The following LTBP2 variants were observed in gnomAD, a reference collection of about 807,000 sequenced individuals.
LTBP2 encodes latent-transforming growth factor beta-binding protein 2.
In LTBP2, 103 loss-of-function variants were observed where a neutral mutation model predicts 210.6. That is an observed-to-expected ratio of 0.49 (90% CI 0.42 to 0.58). LTBP2 has a LOEUF of 0.58. LTBP2 is among the 20% of genes least tolerant of loss of function. The pLI, the probability that LTBP2 is intolerant of heterozygous loss-of-function variation, is 0.00. For missense variants in LTBP2, 2,313 were observed against 2,494.5 expected (o/e 0.93, Z 1.55); for synonymous variants, 1,007 against 1,015.0 (o/e 0.99, Z 0.15).
chr14:74,600,071 G>A (rs572948584), intron 2 of LTBP2, among the ~76,000 whole-genome samples: 5 of 152,180 alleles, frequency 3.3e-5, no homozygotes, highest in African/African-American at 7.2e-5. Flanking sequence ...CCACAGGGGT[G>A]GGGGAGAGCC....
chr14:74,607,945 G>T lies in LTBP2; in HGVS notation c.494+3506C>A, dbSNP rs184787346. Among the ~76,000 whole-genome samples the T allele has an allele frequency of 2.8e-3, 405 of 146,010 alleles. 2 individuals are homozygous for T. The highest frequency in any genetic ancestry group is 8.2e-3 in the African/African-American group (321 of 39,298). ...TTTTTTTTTTTTGAGACGGAGTCTC[G>T]CTCTGTCGCCCAGGCCGGACTGCGG... On this transcript the variant is annotated intron_variant, in intron 1 of 35. Coordinates refer to ENST00000261978, the MANE Select transcript of LTBP2 (RefSeq NM_000428.3).
At chr14:74,569,375 A>C (rs890490552) in intron 3 of LTBP2, among the ~76,000 whole-genome samples, 3 of 152,134 alleles carry the variant, frequency 2.0e-5, no homozygotes, top group Non-Finnish European at 4.4e-5. Context: ...TACCACTTGG[A>C]ATGTGTTATG....
chr14:74,528,426 G>A, intron 12 of LTBP2, 57 bp downstream of exon 12: 23 of 1,584,972 alleles, frequency 1.5e-5, no homozygotes, highest in South Asian at 2.2e-5. Context: ...CTTCTCTGAG[G>A]TGCTGGAAAC....
chr14:74,563,415 C>G (rs1393515945), intron 3 of LTBP2, among the ~76,000 whole-genome samples: 1 of 152,144 alleles, frequency 6.6e-6, no homozygotes, highest in Admixed American at 6.5e-5. Context: ...ACTTAAGTGT[C>G]CTTCAGTAGG....
Position 74,510,184 on chromosome 14 carries a change from A to G in LTBP2, c.3058T>C (p.Cys1020Arg). The G allele has an allele frequency of 6.2e-7, 1 of 1,614,002 alleles. No homozygotes were observed. Among genetic ancestry groups the G allele is most frequent in the Non-Finnish European group, 8.5e-7 (1 of 1,180,024 alleles). Reference protein sequence around the residue: ...DVNECLTPGVCAHGKCTNLEG... With the variant: ...DVNECLTPGVRAHGKCTNLEG... ...AGGTTGGTGCACTTTCCATGGGCAC[A>G]GACCCCGGGAGTCAGACACTCATTC... The change falls in exon 20 of 36, where the codon TGT (cysteine) becomes CGT (arginine). Residue 1020 changes from cysteine (C) to arginine (R), a missense_variant. Transcript: ENST00000261978.
chr14:74,502,630 C>T (rs772674876), intron 34 of LTBP2, 23 bp downstream of exon 34: 1 of 1,614,142 alleles, frequency 6.2e-7, no homozygotes, highest in East Asian at 2.2e-5. Context: ...CCACCTCTTC[C>T]CCAGTTTTGC....
chr14:74,506,768 G>T lies in LTBP2; in HGVS notation c.3963C>A (p.Asn1321Lys). Residue 1321 changes from asparagine (N) to lysine (K), a missense_variant, in exon 27 of 36, where the codon AAC becomes AAA. Transcript: ENST00000261978. The part of the protein sequence containing the change: ...TMCGSHGFCD[N>K]TDGSFRCLCD... ...AGAGGCAGCGGAAGGAGCCATCAGTGTTGTCACAGAAGCCGTGGCTGCCAC... is the reference window on the plus strand; with the variant it reads ...AGAGGCAGCGGAAGGAGCCATCAGTTTTGTCACAGAAGCCGTGGCTGCCAC... 1.2e-6 allele frequency: 2 copies of T among 1,614,076 alleles called. No homozygotes were observed. The highest frequency in any genetic ancestry group is 1.7e-6 in the Non-Finnish European group (2 of 1,180,038).
intron 1 of LTBP2, among the ~76,000 whole-genome samples, chr14:74,606,178 A>G (rs1339734405): frequency 6.6e-6 from 1 of 152,222 alleles, no homozygotes; most frequent in East Asian, 1.9e-4. Flanking sequence ...GCATCACTGT[A>G]GGGAACACAT....
intron 18 of LTBP2, among the ~76,000 whole-genome samples, chr14:74,513,896 C>G (rs1236779278): frequency 6.6e-6 from 1 of 152,220 alleles, no homozygotes; most frequent in Non-Finnish European, 1.5e-5. Flanking sequence ...TCTTGGCATG[C>G]CACTGCTGGC....
At chr14:74,600,997 C>T (rs1178904783) in intron 2 of LTBP2, among the ~76,000 whole-genome samples, 2 of 152,212 alleles carry the variant, frequency 1.3e-5, no homozygotes, top group Non-Finnish European at 2.9e-5. Context: ...GGCAGATCTT[C>T]CTATGACTGA....
intron 3 of LTBP2, among the ~76,000 whole-genome samples, chr14:74,564,373 A>ATT (rs1298633344): frequency 2.0e-4 from 15 of 74,102 alleles, no homozygotes; most frequent in Admixed American, 4.9e-4. Flanking sequence ...ATATTTATAT[A>ATT]TATATATTTA....
intron 3 of LTBP2, among the ~76,000 whole-genome samples, chr14:74,558,288 G>A (rs1270030531): frequency 2.6e-5 from 4 of 152,210 alleles, no homozygotes. Context: ...CCAGCTACTG[G>A]GGAGGCTGAG....
chr14:74,608,322 CAG>C (rs1377283307), intron 1 of LTBP2, among the ~76,000 whole-genome samples: 2 of 151,958 alleles, frequency 1.3e-5, no homozygotes. Context: ...GTTATTTTAA[CAG>C]AATATAAAGT....
At chr14:74,564,063 A>ATATATATATT (rs2087835141) in intron 3 of LTBP2, among the ~76,000 whole-genome samples, 3 of 24,570 alleles carry the variant, frequency 1.2e-4, no homozygotes, top group Admixed American at 7.1e-4. Flanking sequence ...ATATATATTT[A>ATATATATATT]TATATATATA....
Position 74,516,772 on chromosome 14 carries a change from A to T in LTBP2, c.2908+50T>A, listed in dbSNP as rs955176533. ...GGTGGTGGGCAGTGCGTAGGGAGGG[A>T]CAGGTGGGTGGTGGGGTGGCAGGGC... On this transcript the variant is annotated intron_variant, in intron 18 of 35. Coordinates refer to ENST00000261978, the MANE Select transcript of LTBP2 (RefSeq NM_000428.3). 2.0e-6 allele frequency: 3 copies of T among 1,479,492 alleles called. No homozygotes were observed. In the African/African-American group the frequency reaches 4.2e-5, roughly 21 times the overall value. The allele number at this position is 1,479,492 out of a possible 1,614,324, so 91.6% of individuals were successfully genotyped here.
chr14:74,550,502 A>G (rs892951261), intron 7 of LTBP2, among the ~76,000 whole-genome samples: 1 of 152,182 alleles, frequency 6.6e-6, no homozygotes, highest in Non-Finnish European at 1.5e-5. Flanking sequence ...CAACCCCAAG[A>G]AAAACCATAC....
intron 2 of LTBP2, among the ~76,000 whole-genome samples, chr14:74,590,236 A>C (rs988062890): frequency 6.6e-6 from 1 of 152,238 alleles, no homozygotes; most frequent in Non-Finnish European, 1.5e-5. Context: ...AACAGTATGG[A>C]GATTTCTCAA....
At chr14:74,608,141 C>G (rs1251764123) in intron 1 of LTBP2, among the ~76,000 whole-genome samples, 1 of 150,716 alleles carries the variant, frequency 6.6e-6, no homozygotes, top group East Asian at 2.0e-4. Flanking sequence ...AGGATGGTCT[C>G]GATCTCCTGA....
chr14:74,515,096 G>A (rs147304789), intron 18 of LTBP2, among the ~76,000 whole-genome samples: 106 of 152,260 alleles, frequency 7.0e-4, no homozygotes, highest in Non-Finnish European at 1.4e-3. Context: ...GCCAGACGGT[G>A]CCTAGCACTT....
Sources: allele counts gnomAD v4.1 joint callset (sites outside exome capture counted in the v4.1 genomes callset), GRCh38; gene constraint gnomAD v4.1.1; transcripts MANE v1.5; gene names NCBI Gene and HGNC (gene_info 2026-07-23, HGNC 2026-07-21).